The following UBA6 variants were observed in gnomAD, a reference collection of about 807,000 sequenced individuals.
UBA6 encodes ubiquitin-like modifier-activating enzyme 6.
In UBA6, 87 loss-of-function variants were observed where a neutral mutation model predicts 148.3. The observed-to-expected ratio is 0.59, with a 90% CI of 0.49 to 0.70. UBA6 has a LOEUF of 0.70. Ranked by LOEUF, UBA6 falls within the 30% of genes least tolerant of loss-of-function variation. The pLI, the probability that UBA6 is intolerant of heterozygous loss-of-function variation, is 0.00. For missense variants in UBA6, 1,186 were observed against 1,241.2 expected (o/e 0.96, Z 0.67); for synonymous variants, 376 against 401.0 (o/e 0.94, Z 0.75).
Position 67,669,522 on chromosome 4 carries a change from A to G in UBA6, c.670-848T>C, listed in dbSNP as rs188773493. 2.1e-3 allele frequency among the ~76,000 whole-genome samples: 322 copies of G among 152,320 alleles called. 3 individuals are homozygous for G. The highest frequency in any genetic ancestry group is 7.2e-3 in the African/African-American group (299 of 41,582). On this transcript the variant is annotated intron_variant, in intron 8 of 32. Coordinates refer to ENST00000322244, the MANE Select transcript of UBA6 (RefSeq NM_018227.6). ...TTATTTTGTCTTCTTTTGGACTTCA[A>G]TGTAAGTTGATTACAAAGAGTACAA... is the stretch of plus-strand genomic sequence containing the variant.
At chr4:67,627,378 A>T (rs1036442458) in intron 27 of UBA6, among the ~76,000 whole-genome samples, 10 of 151,896 alleles carry the variant, frequency 6.6e-5, no homozygotes, top group African/African-American at 2.4e-4. Flanking sequence ...TCCTTTAGGG[A>T]GTTGTGAAAA....
At chr4:67,652,146 T>C (rs1577810458) in intron 13 of UBA6, among the ~76,000 whole-genome samples, 1 of 152,290 alleles carries the variant, frequency 6.6e-6, no homozygotes, top group South Asian at 2.1e-4. Flanking sequence ...AAGTATTCTT[T>C]TTGTGATTTG....
intron 12 of UBA6, chr4:67,662,459 G>A (rs1729884532): frequency 4.7e-6 from 2 of 424,542 alleles, no homozygotes; most frequent in Non-Finnish European, 8.3e-6. Context: ...ATATAAATAA[G>A]TTTAGTTTTT....
rs755943506 is a variant in UBA6, at chr4:67,638,935, G to T, written c.1736+8C>A. 1.3e-6 allele frequency: 2 copies of T among 1,583,890 alleles called. No homozygotes were observed. The highest frequency in any genetic ancestry group is 1.7e-6 in the Non-Finnish European group (2 of 1,160,940). On this transcript the variant is annotated splice_region_variant and intron_variant, in intron 19 of 32. Transcript: ENST00000322244. ...AATTCTGTAGGAACATGAATTTCAA[G>T]AACATACCTGTCTACGTATCTCCTG... is the stretch of plus-strand genomic sequence containing the variant.
intron 9 of UBA6, among the ~76,000 whole-genome samples, chr4:67,666,261 A>G (rs1729993697): frequency 6.6e-6 from 1 of 152,066 alleles, no homozygotes; most frequent in African/African-American, 2.4e-5. Flanking sequence ...GCTATAAAAG[A>G]AAATGTTTCT....
intron 13 of UBA6, among the ~76,000 whole-genome samples, chr4:67,654,180 C>G (rs1290682570): frequency 1.3e-5 from 2 of 152,110 alleles, no homozygotes; most frequent in Non-Finnish European, 2.9e-5. Context: ...TCAGGAAATA[C>G]AGAGAACAAC....
In UBA6 at chr4:67,661,090, G is replaced by C. The variant is rs186848113; in HGVS notation, c.1104+1099C>G. 3.3e-5 allele frequency among the ~76,000 whole-genome samples: 5 copies of C among 152,240 alleles called. No homozygotes were observed. In the East Asian group the frequency reaches 9.7e-4, roughly 29 times the overall value. On this transcript the variant is annotated intron_variant, in intron 13 of 32. Transcript: ENST00000322244. ...ACTGTATCTAGGAAGTAACTAACTT[G>C]CTTCTGATTTTACAGGCTCATAGGT...
intron 2 of UBA6, among the ~76,000 whole-genome samples, chr4:67,693,657 C>T (rs1409047119): frequency 1.3e-5 from 2 of 152,070 alleles, no homozygotes; most frequent in Non-Finnish European, 2.9e-5. Context: ...CAAAATAACT[C>T]GGTAAGCTAT....
At chr4:67,639,795 C>T (rs1453555837) in intron 18 of UBA6, among the ~76,000 whole-genome samples, 1 of 151,960 alleles carries the variant, frequency 6.6e-6, no homozygotes, top group Admixed American at 6.6e-5. Context: ...TAAAACAATA[C>T]AATCATAACA....
chr4:67,631,690 C>T lies in UBA6; in HGVS notation c.2258+18G>A. 2.5e-6 allele frequency: 4 copies of T among 1,572,182 alleles called. No homozygotes were observed. Among genetic ancestry groups the T allele is most frequent in the Non-Finnish European group, 3.5e-6 (4 of 1,151,448 alleles). Reference sequence around the variant, plus strand: ...AATATATAATGAAGGATACATAAAACTAAATATAAATACTTACAAAGGCTC... The same window carrying T: ...AATATATAATGAAGGATACATAAAATTAAATATAAATACTTACAAAGGCTC... On this transcript the variant is annotated intron_variant, in intron 25 of 32. Transcript: ENST00000322244.
At chr4:67,683,836 G>T (rs2109952497) in intron 2 of UBA6, among the ~76,000 whole-genome samples, 1 of 152,276 alleles carries the variant, frequency 6.6e-6, no homozygotes, top group South Asian at 2.1e-4. Flanking sequence ...ACTTTGGGAG[G>T]CCTACATGGG....
chr4:67,695,359 C>A (rs1730809394), intron 2 of UBA6, among the ~76,000 whole-genome samples: 1 of 152,172 alleles, frequency 6.6e-6, no homozygotes, highest in East Asian at 1.9e-4. Context: ...TTAGAATGTT[C>A]TTTCTTAAAA....
At chr4:67,636,289 T>G (rs1729136652) in intron 19 of UBA6, among the ~76,000 whole-genome samples, 1 of 152,072 alleles carries the variant, frequency 6.6e-6, no homozygotes, top group Non-Finnish European at 1.5e-5. Context: ...AAGTACATAG[T>G]GTTATGAAAA....
Position 67,623,119 on chromosome 4 carries a change from A to C in UBA6, c.2928+16T>G, listed in dbSNP as rs375946294. 7 of 1,591,564 alleles carry C rather than the reference A, an allele frequency of 4.4e-6. No individual in the cohort carries two copies. The African/African-American group carries it at 9.4e-5, about 21-fold the overall frequency. On this transcript the variant is annotated intron_variant, in intron 31 of 32. Coordinates refer to ENST00000322244, the MANE Select transcript of UBA6 (RefSeq NM_018227.6). ...CATAAAGCTACTAATGAACTAAATGAACAAAAGTATCTCACTTTGACTGCA... is the reference window on the plus strand; with the variant it reads ...CATAAAGCTACTAATGAACTAAATGCACAAAAGTATCTCACTTTGACTGCA...
In UBA6 at chr4:67,629,188, T is replaced by C. The variant is rs181223655; in HGVS notation, c.2329-46A>G. On this transcript the variant is annotated intron_variant, in intron 26 of 32. Transcript: ENST00000322244. ...TTACCAACAAACATATTCTTCTAAATTCTAAAGCTAAAAATATCCTACAAA... is the reference window on the plus strand; with the variant it reads ...TTACCAACAAACATATTCTTCTAAACTCTAAAGCTAAAAATATCCTACAAA... 4.0e-6 allele frequency: 5 copies of C among 1,262,960 alleles called. No homozygotes were observed. In the Admixed American group the frequency reaches 8.5e-5, roughly 21 times the overall value. The allele number at this position is 1,262,960 out of a possible 1,614,324, so 78.2% of individuals were successfully genotyped here.
intron 4 of UBA6, 119 bp downstream of exon 4, chr4:67,681,444 T>C: frequency 1.6e-6 from 1 of 624,792 alleles, no homozygotes; most frequent in Non-Finnish European, 2.7e-6. Context: ...CCATGATTTT[T>C]TTTAAAAAGT....
At position 67,619,150 on chromosome 4, in the gene UBA6, G is replaced by T. The variant is rs1728695378; in HGVS notation, c.3024-18C>A. 4 of 1,568,888 alleles carry T rather than the reference G, an allele frequency of 2.5e-6. No homozygotes were observed. Among genetic ancestry groups the T allele is most frequent in the Non-Finnish European group, 3.5e-6 (4 of 1,145,636 alleles). ...TATGCATTCTAAGAAAAATAAGCAA[G>T]AATGAATACTTTGGTAAATTCTATA... On this transcript the variant is annotated intron_variant, in intron 32 of 32. Transcript: ENST00000322244.
intron 2 of UBA6, among the ~76,000 whole-genome samples, chr4:67,683,580 T>C (rs1195952781): frequency 6.6e-6 from 1 of 152,012 alleles, no homozygotes; most frequent in Admixed American, 6.6e-5. Context: ...CAATTTTTTT[T>C]TTTTTTTAGT....
chr4:67,668,391 T>C (rs748514112), intron 9 of UBA6, among the ~76,000 whole-genome samples, 160 bp downstream of exon 9: 12 of 152,188 alleles, frequency 7.9e-5, no homozygotes, highest in Non-Finnish European at 1.5e-4. Flanking sequence ...TCTCTTAATA[T>C]CATCAGTGTT....
Sources: gnomAD v4.1 joint callset for allele counts (sites outside exome capture counted in the v4.1 genomes callset) on GRCh38, gnomAD v4.1.1 for gene constraint, MANE v1.5 for transcripts, NCBI Gene and HGNC (gene_info 2026-07-23, HGNC 2026-07-21) for gene names.